Variants in MYO7B observed in about 807,000 individuals in gnomAD.
MYO7B encodes unconventional myosin-VIIb.
A neutral mutation model predicts 259.7 loss-of-function variants in MYO7B; 212 were observed. The ratio of observed to expected loss-of-function variants is 0.82; its 90% confidence interval spans 0.73 to 0.91. The LOEUF is 0.91. Ranked by LOEUF, MYO7B falls within the 40% of genes least tolerant of loss-of-function variation. The probability of loss-of-function intolerance (pLI) is 0.00; values close to 1 mark genes in which losing one functional copy is unlikely to be tolerated. For missense variants in MYO7B, 2,732 were observed against 2,813.5 expected, an observed-to-expected ratio of 0.97 and a Z score of 0.66; for synonymous variants, 1,197 against 1,166.4, an observed-to-expected ratio of 1.03 and a Z score of -0.54.
In MYO7B at chr2:127,634,682, A is replaced by C; in HGVS notation, c.5712A>C (p.Glu1904Asp). Residue 1904 changes from glutamate to aspartate, a missense_variant and splice_region_variant, in exon 42 of 48, where the codon GAA (glutamate) becomes GAC (aspartate). By Grantham distance (45) the Glu-to-Asp change is conservative (BLOSUM62 2). Coordinates refer to ENST00000409816, the MANE Select transcript of MYO7B (RefSeq NM_001393586.1). ...TGAAGAAGAACAAGCCCCAGAAAGA[A>C]GGTGAGGAGGCCTCTGTGGAGCTGG... ...DWVKKNKPQKEGAPVTLPYQV... is the reference protein window; with the variant it reads ...DWVKKNKPQKDGAPVTLPYQV... 1 of 1,607,174 alleles carries C rather than the reference A, an allele frequency of 6.2e-7. No homozygotes were observed. Among genetic ancestry groups the C allele is most frequent in the Non-Finnish European group, 8.5e-7 (1 of 1,176,858 alleles).
At chr2:127,568,897 C>G (rs564957878) in intron 5 of MYO7B, among the ~76,000 whole-genome samples, 2 of 142,866 alleles carry the variant, frequency 1.4e-5, no homozygotes, top group East Asian at 4.2e-4. Flanking sequence ...AAGACTCCGT[C>G]TCAAAAAAAA....
rs1288137366 is a variant in MYO7B at position 127,628,165 on chromosome 2, A to G, written c.4461-207A>G. 1 of 703,020 alleles carries G rather than the reference A, an allele frequency of 1.4e-6. No individual in the cohort carries two copies. Among genetic ancestry groups the G allele is most frequent in the Non-Finnish European group, 2.6e-6 (1 of 391,446 alleles). 43.5% of individuals were successfully genotyped at this position (703,020 alleles called of 1,614,324 possible). On this transcript the variant is annotated intron_variant, in intron 33 of 47. Transcript: ENST00000409816. This position sits in a 1 kb window ranked among gnomAD's most constrained non-coding sequence, Gnocchi z 4.8. ...GCCAACCCCACACATGGGCTGCACC[A>G]CTCTCAGCCTCCGAGAGGTCCTGTG... is the stretch of plus-strand genomic sequence containing the variant.
intron 6 of MYO7B, among the ~76,000 whole-genome samples, chr2:127,573,421 G>A (rs775571110): frequency 2.2e-4 from 33 of 152,250 alleles, no homozygotes; most frequent in Admixed American, 8.5e-4. Context: ...GACCACTTCC[G>A]TGTGCCCTGG....
intron 12 of MYO7B, among the ~76,000 whole-genome samples, chr2:127,583,705 G>A (rs1444260059): frequency 6.6e-6 from 1 of 152,164 alleles, no homozygotes; most frequent in Non-Finnish European, 1.5e-5. Flanking sequence ...TGATGCAGAG[G>A]GGCCCAGCAG....
intron 24 of MYO7B, 102 bp downstream of exon 24, chr2:127,610,118 G>T: frequency 2.1e-6 from 3 of 1,460,474 alleles, no homozygotes; most frequent in African/African-American, 1.4e-5. Flanking sequence ...GACAAGACCT[G>T]GAGCCCTGTC....
chr2:127,581,828 G>A, intron 10 of MYO7B, 63 bp from the exon 11 acceptor site: 1 of 1,604,652 alleles, frequency 6.2e-7, no homozygotes, highest in African/African-American at 1.3e-5. Context: ...GGCAGAAGCA[G>A]GTCAGAGTGC....
chr2:127,602,995 GTC>G (rs1326752630), intron 19 of MYO7B, among the ~76,000 whole-genome samples: 2 of 148,210 alleles, frequency 1.3e-5, no homozygotes, highest in Admixed American at 6.8e-5. Context: ...GTGAGACCTT[GTC>G]TCAAAAAAAA....
At chr2:127,550,292 G>T (rs532285529) in intron 1 of MYO7B, among the ~76,000 whole-genome samples, 2 of 152,188 alleles carry the variant, frequency 1.3e-5, no homozygotes, top group Non-Finnish European at 2.9e-5. Flanking sequence ...AGGGCCAGGC[G>T]CAGTGGCTCA....
At position 127,637,345 on chromosome 2, in the gene MYO7B, A is replaced by C. The variant is rs760051545; in HGVS notation, c.6357A>C (p.Ser2119=). 2 of 1,595,024 alleles carry C rather than the reference A, an allele frequency of 1.3e-6. No individual in the cohort carries two copies. Among genetic ancestry groups the C allele is most frequent in the South Asian group, 1.1e-5 (1 of 87,462 alleles). ...ATAAGATGGATGACCTGCTGACCTC[A>C]TATGTGCAGCAGCTCCTGAGTGCCA... is the stretch of plus-strand genomic sequence containing the variant. ...LGYKMDDLLT[S]YVQQLLSAMN... Residue 2119 remains serine, a synonymous_variant, in exon 48 of 48, where the codon TCA becomes TCC. Transcript: ENST00000409816.
Position 127,635,813 on chromosome 2 carries a change from A to G in MYO7B, c.5912A>G (p.Asn1971Ser). 6.3e-7 allele frequency: 1 copy of G among 1,590,014 alleles called. No individual in the cohort carries two copies. The highest frequency in any genetic ancestry group is 2.3e-5 in the East Asian group (1 of 43,336). The change falls in exon 44 of 48, where the codon AAC (asparagine) becomes AGC (serine). Residue 1971 changes from asparagine to serine, a missense_variant. This residue lies in a region of MYO7B where 821 missense variants were observed against 769.3 expected (regional missense o/e 1.07). Transcript: ENST00000409816. ...CTCATCTACAAGGCCCAGTTCAACAACGACCGGTCCCAGCTGGCTAGTGTC... is the reference window on the plus strand; with the variant it reads ...CTCATCTACAAGGCCCAGTTCAACAGCGACCGGTCCCAGCTGGCTAGTGTC... ...AGLIYKAQFN[N>S]DRSQLASVPK...
rs531269758 is a variant in MYO7B, at chr2:127,576,489, A to G, written c.736-106A>G. 8.1e-4 allele frequency: 509 copies of G among 627,612 alleles called. 6 individuals are homozygous for G. Among genetic ancestry groups the G allele is most frequent in the South Asian group, 6.0e-3 (266 of 44,538 alleles). The allele number at this position is 627,612 out of a possible 1,614,324, so 38.9% of individuals were successfully genotyped here. On this transcript the variant is annotated intron_variant, in intron 7 of 47. Transcript: ENST00000409816. The surrounding 1 kb of genome is among the most constrained non-coding windows in gnomAD (Gnocchi z 4.9). ...TGCCAGAGCTGCTCCTGGCTGAGAG[A>G]TGTGGAGCGGAGGCCAGGGCTGGGC...
At chr2:127,616,819 G>A (rs531519528) in intron 26 of MYO7B, among the ~76,000 whole-genome samples, 1 of 152,246 alleles carries the variant, frequency 6.6e-6, no homozygotes, top group South Asian at 2.1e-4. Context: ...CTCATTTCCC[G>A]ACAGGGGGGT....
intron 1 of MYO7B, among the ~76,000 whole-genome samples, chr2:127,538,727 G>A (rs555106344): frequency 2.2e-4 from 33 of 151,994 alleles, no homozygotes; most frequent in African/African-American, 7.0e-4. Flanking sequence ...CACCACGCCC[G>A]GCTAATTTTT....
intron 16 of MYO7B, 137 bp from the exon 17 acceptor site, chr2:127,592,657 C>T: frequency 1.0e-6 from 1 of 971,556 alleles, no homozygotes; most frequent in Non-Finnish European, 1.4e-6. Flanking sequence ...CTCTGGAGGA[C>T]AGTGGGGGTG....
chr2:127,578,930 T>G (rs1299074371), intron 9 of MYO7B, among the ~76,000 whole-genome samples: 2 of 152,106 alleles, frequency 1.3e-5, no homozygotes, highest in African/African-American at 4.8e-5. Context: ...GCTTGAAAAT[T>G]TAGACAGCGA....
rs1257249499 is a variant in MYO7B at position 127,590,009 on chromosome 2, C to T, written c.1855-83C>T. On this transcript the variant is annotated intron_variant, in intron 15 of 47. Coordinates refer to ENST00000409816, the MANE Select transcript of MYO7B (RefSeq NM_001393586.1). The surrounding 1 kb of genome is among the most constrained non-coding windows in gnomAD (Gnocchi z 4.6). The stretch of plus-strand genomic sequence containing the variant: ...ACCACCCCACCTGTGGGGCCTTGGC[C>T]GCAACCCTTGCTGGCCTACAGGGTC... 32 of 1,483,802 alleles carry T rather than the reference C, an allele frequency of 2.2e-5. No homozygotes were observed. The highest frequency in any genetic ancestry group is 3.7e-5 in the South Asian group (3 of 80,242). The allele number at this position is 1,483,802 out of a possible 1,614,324, so 91.9% of individuals were successfully genotyped here. A position where few individuals can be genotyped will look rare whatever the true frequency, so the allele number is the denominator to read the frequency against.
rs1016591789 is a variant in MYO7B, at chr2:127,577,083, C to T, written c.849+375C>T. On this transcript the variant is annotated intron_variant, in intron 8 of 47. Coordinates refer to ENST00000409816, the MANE Select transcript of MYO7B (RefSeq NM_001393586.1). The surrounding 1 kb of genome is among the most constrained non-coding windows in gnomAD (Gnocchi z 5.2). Reference sequence around the variant, plus strand: ...CCTTGCAGGCCCCCTAAAACGTAAGCCCCGGGCCCCAGGAAAGCAAAGCCC... The same window carrying T: ...CCTTGCAGGCCCCCTAAAACGTAAGTCCCGGGCCCCAGGAAAGCAAAGCCC... 6.6e-6 allele frequency among the ~76,000 whole-genome samples: 1 copy of T among 152,090 alleles called. No homozygotes were observed. The highest frequency in any genetic ancestry group is 2.4e-5 in the African/African-American group (1 of 41,392).
At chr2:127,589,804 G>A (rs925679597) in intron 15 of MYO7B, among the ~76,000 whole-genome samples, 1 of 131,174 alleles carries the variant, frequency 7.6e-6, no homozygotes, top group African/African-American at 2.9e-5. Context: ...GTGGGTGGGT[G>A]GATGGGTGCT....
intron 35 of MYO7B, among the ~76,000 whole-genome samples, chr2:127,630,551 A>G (rs577498184): frequency 6.6e-6 from 1 of 152,168 alleles, no homozygotes; most frequent in Non-Finnish European, 1.5e-5. Context: ...TGTGGGTGCC[A>G]CAGCCATTGG....
Sources: allele counts gnomAD v4.1 joint callset (sites outside exome capture counted in the v4.1 genomes callset), GRCh38; gene constraint gnomAD v4.1.1; regional missense constraint gnomAD v4.1.1; non-coding constraint Gnocchi (gnomAD v3.1); transcripts MANE v1.5; gene names NCBI Gene and HGNC (gene_info 2026-07-23, HGNC 2026-07-21).